Variants in FAP observed in about 807,000 individuals in gnomAD.
FAP encodes the protein fibroblast activation protein alpha.
In FAP, 110 loss-of-function variants were observed where a neutral mutation model predicts 126.5. The ratio of observed to expected loss-of-function variants is 0.87; its 90% confidence interval spans 0.74 to 1.02. The LOEUF (loss-of-function observed/expected upper bound fraction) is 1.02, where lower values mean the gene tolerates loss of function less well. Ranked by LOEUF, FAP falls within the 50% of genes least tolerant of loss-of-function variation. FAP has a pLI of 0.00. For synonymous variants in FAP, 334 were observed against 297.3 expected (o/e 1.12, Z -1.27); for missense variants, 919 against 909.2 (o/e 1.01, Z -0.14).
intron 21 of FAP, among the ~76,000 whole-genome samples, chr2:162,180,297 T>C (rs949795358): frequency 5.3e-5 from 8 of 152,180 alleles, no homozygotes; most frequent in Non-Finnish European, 1.0e-4. Context: ...GAACGATAAC[T>C]TCATTAACCA....
chr2:162,238,007 T>C (rs1184186039), intron 2 of FAP, among the ~76,000 whole-genome samples: 2 of 152,166 alleles, frequency 1.3e-5, no homozygotes, highest in Admixed American at 6.5e-5. Context: ...TTTTGAGAAA[T>C]GTCTGTTCAT....
chr2:162,237,569 T>C (rs954097921), intron 2 of FAP, among the ~76,000 whole-genome samples: 1 of 152,232 alleles, frequency 6.6e-6, no homozygotes, highest in Admixed American at 6.5e-5. Context: ...CCATGGTGTA[T>C]ATGTGCCACA....
At chr2:162,196,353 C>T (rs1365076540) in intron 16 of FAP, among the ~76,000 whole-genome samples, 3 of 152,004 alleles carry the variant, frequency 2.0e-5, no homozygotes, top group East Asian at 1.9e-4. Context: ...TCATTTTGGC[C>T]AGTTTTTCAT....
At chr2:162,240,340 G>A (rs1317500823) in intron 2 of FAP, among the ~76,000 whole-genome samples, 1 of 152,212 alleles carries the variant, frequency 6.6e-6, no homozygotes, top group African/African-American at 2.4e-5. Flanking sequence ...TTATAATCCA[G>A]TTTAATTATT....
chr2:162,194,502 C>T (rs749573079), intron 17 of FAP, among the ~76,000 whole-genome samples, 199 bp downstream of exon 17: 10 of 152,088 alleles, frequency 6.6e-5, no homozygotes, highest in Non-Finnish European at 1.5e-4. Flanking sequence ...GTTCTCACTG[C>T]AAAGAATTAT....
At chr2:162,239,178 C>G (rs1254976534) in intron 2 of FAP, among the ~76,000 whole-genome samples, 1 of 152,028 alleles carries the variant, frequency 6.6e-6, no homozygotes, top group Admixed American at 6.6e-5. Flanking sequence ...ACGAAAGGTG[C>G]ATGCCACCAT....
chr2:162,213,093 T>C (rs545994465), intron 11 of FAP, among the ~76,000 whole-genome samples: 2 of 152,180 alleles, frequency 1.3e-5, no homozygotes. Flanking sequence ...ATAAAAATAT[T>C]TGGGCTGGGT....
At chr2:162,174,988 T>A (rs1272649710) in intron 21 of FAP, 22 bp from the exon 22 acceptor site, 1 of 1,527,024 alleles carries the variant, frequency 6.5e-7, no homozygotes, top group Non-Finnish European at 9.1e-7. Flanking sequence ...TTGTTATGAG[T>A]CAGACTCAGA....
chr2:162,190,710 A>G (rs1688014067), intron 17 of FAP, among the ~76,000 whole-genome samples: 1 of 152,024 alleles, frequency 6.6e-6, no homozygotes, highest in Non-Finnish European at 1.5e-5. Flanking sequence ...ATGACTTGTG[A>G]GGTATATCTA....
intron 2 of FAP, among the ~76,000 whole-genome samples, chr2:162,241,754 T>C (rs956484173): frequency 7.9e-5 from 12 of 152,172 alleles, no homozygotes; most frequent in African/African-American, 2.7e-4. Flanking sequence ...ATGAAAGATA[T>C]GTACACACAC....
intron 21 of FAP, among the ~76,000 whole-genome samples, chr2:162,180,110 AT>A (rs747561927): frequency 2.0e-5 from 3 of 152,022 alleles, no homozygotes; most frequent in Admixed American, 6.6e-5. Context: ...CCTGGCCATA[AT>A]TTAAATTACT....
intron 21 of FAP, among the ~76,000 whole-genome samples, chr2:162,177,609 A>C (rs540740455): frequency 4.6e-5 from 7 of 152,124 alleles, no homozygotes; most frequent in Non-Finnish European, 1.0e-4. Flanking sequence ...CTTCTTTGCC[A>C]TTCTGATTTA....
At chr2:162,183,171 A>C (rs1687749242) in intron 21 of FAP, among the ~76,000 whole-genome samples, 1 of 152,186 alleles carries the variant, frequency 6.6e-6, no homozygotes, top group Admixed American at 6.5e-5. Context: ...AGTAACAAAG[A>C]CTTAAGTAAA....
chr2:162,204,950 G>C (rs1423611409), intron 12 of FAP, among the ~76,000 whole-genome samples: 1 of 152,062 alleles, frequency 6.6e-6, no homozygotes. Flanking sequence ...CAGCAAAAGG[G>C]TTTCAGCCAA....
At chr2:162,171,168 A>G (rs749747864) in intron 25 of FAP, 88 bp from the exon 26 acceptor site, 6 of 882,998 alleles carry the variant, frequency 6.8e-6, no homozygotes, top group South Asian at 1.5e-5. Flanking sequence ...GGACCTGATA[A>G]TCTTTCTATT....
At chr2:162,223,696 G>A in intron 5 of FAP, 36 bp from the exon 6 acceptor site, 1 of 1,434,140 alleles carries the variant, frequency 7.0e-7, no homozygotes, top group Non-Finnish European at 9.8e-7. Flanking sequence ...ACAAATTGCA[G>A]TTGTTAAAAA....
chr2:162,204,843 A>G (rs1045180618), intron 12 of FAP, among the ~76,000 whole-genome samples: 5 of 152,228 alleles, frequency 3.3e-5, no homozygotes, highest in African/African-American at 1.2e-4. Flanking sequence ...TCAAATAAGC[A>G]GAAGGCCATT....
Position 162,219,132 on chromosome 2 carries a change from G to A in FAP, c.538C>T (p.Pro180Ser), listed in dbSNP as rs1016489107. 1.9e-6 allele frequency: 3 copies of A among 1,606,316 alleles called. No homozygotes were observed. Among genetic ancestry groups the A allele is most frequent in the African/African-American group, 2.7e-5 (2 of 74,676 alleles). ...CTTCCATTAAATGTTATTTGAAAAGGTGGATCTCCTGGTCTTTGTTTCAAA... is the reference window on the plus strand; with the variant it reads ...CTTCCATTAAATGTTATTTGAAAAGATGGATCTCCTGGTCTTTGTTTCAAA... ...IYLKQRPGDPPFQITFNGREN... is the reference protein window; with the variant it reads ...IYLKQRPGDPSFQITFNGREN... Residue 180 changes from proline to serine, a missense_variant, in exon 8 of 26, where the codon CCT becomes TCT. Pro to Ser is a moderately conservative substitution (Grantham distance 74, BLOSUM62 -1). Transcript: ENST00000188790.
chr2:162,183,276 T>C, intron 21 of FAP, 138 bp downstream of exon 21: 1 of 751,040 alleles, frequency 1.3e-6, no homozygotes, highest in Middle Eastern at 2.5e-4. Context: ...GCCCAGATTA[T>C]CCAAACTGAC....
Sources: gnomAD v4.1 joint callset for allele counts (sites outside exome capture counted in the v4.1 genomes callset) on GRCh38, gnomAD v4.1.1 for gene constraint, MANE v1.5 for transcripts, NCBI Gene and HGNC (gene_info 2026-07-23, HGNC 2026-07-21) for gene names.